The following DESI2 variants were observed in gnomAD, a reference collection of about 807,000 sequenced individuals.
DESI2 encodes the protein deubiquitinase DESI2.
DESI2 carries 10 observed loss-of-function variants against 24.1 expected under a neutral mutation model. That is an observed-to-expected ratio of 0.41 (90% CI 0.26 to 0.70). DESI2 has a LOEUF of 0.70. DESI2 is among the 30% of genes least tolerant of loss of function. DESI2 has a pLI of 0.29. For missense variants in DESI2, 122 were observed against 234.9 expected, an observed-to-expected ratio of 0.52 and a Z score of 3.14; for synonymous variants, 71 against 87.7, an observed-to-expected ratio of 0.81 and a Z score of 1.06.
At position 244,660,015 on chromosome 1, in the gene DESI2, G is replaced by A. The variant is rs144963377; in HGVS notation, c.42+6660G>A. ...CCCTTCAGACTTGCAGTGGCATACC[G>A]TTCCAGTGTATATCAGTTCCATGGT... On this transcript the variant is annotated intron_variant, in intron 1 of 4. Coordinates refer to ENST00000302550, the MANE Select transcript of DESI2 (RefSeq NM_016076.5). Among the ~76,000 whole-genome samples the A allele has an allele frequency of 3.9e-3, 601 of 152,278 alleles. 2 individuals carry two copies. The highest frequency in any genetic ancestry group is 0.013 in the African/African-American group (558 of 41,556).
At chr1:244,696,250 ATTT>A (rs1422579113) in intron 4 of DESI2, among the ~76,000 whole-genome samples, 15 of 152,304 alleles carry the variant, frequency 9.8e-5, no homozygotes, top group South Asian at 6.2e-4. Context: ...AGTTGTCATA[ATTT>A]TTTAACGGTT....
chr1:244,687,516 T>G (rs991459137), intron 2 of DESI2, among the ~76,000 whole-genome samples: 9 of 152,222 alleles, frequency 5.9e-5, no homozygotes, highest in African/African-American at 2.2e-4. Flanking sequence ...CTCTTAAGAA[T>G]ATATTATTGC....
At position 244,706,331 on chromosome 1, in the gene DESI2, G is replaced by C. The variant is rs1677704989; in HGVS notation, c.*542G>C. 1 of 158,874 alleles carries C rather than the reference G, an allele frequency of 6.3e-6. No homozygotes were observed. Among genetic ancestry groups the C allele is most frequent in the African/African-American group, 2.4e-5 (1 of 41,348 alleles). The allele number at this position is 158,874 out of a possible 1,614,324, so 9.8% of individuals were successfully genotyped here. A position where few individuals can be genotyped will look rare whatever the true frequency, so the allele number is the denominator to read the frequency against. ...AGAATCAGACTGGCCTGAGGTGAAG[G>C]AGCACACAGCCCTGAGGGCTTGGAA... On this transcript the variant is annotated 3_prime_UTR_variant, in exon 5 of 5. Coordinates refer to ENST00000302550, the MANE Select transcript of DESI2 (RefSeq NM_016076.5).
chr1:244,659,260 T>C (rs1337911947), intron 1 of DESI2, among the ~76,000 whole-genome samples: 1 of 152,126 alleles, frequency 6.6e-6, no homozygotes, highest in African/African-American at 2.4e-5. Flanking sequence ...TGTACATTTG[T>C]TTTCTATTGC....
At chr1:244,670,981 A>G (rs1002281849) in intron 1 of DESI2, among the ~76,000 whole-genome samples, 3 of 152,224 alleles carry the variant, frequency 2.0e-5, no homozygotes, top group African/African-American at 4.8e-5. Flanking sequence ...CTAGGGGGAC[A>G]TTGTGGGCTT....
At chr1:244,696,870 CTGGGATTT>C (rs1558667200) in intron 4 of DESI2, among the ~76,000 whole-genome samples, 1 of 151,810 alleles carries the variant, frequency 6.6e-6, no homozygotes, top group East Asian at 1.9e-4. Flanking sequence ...CTCTGGGACT[CTGGGATTT>C]TGGCAGAGGA....
At chr1:244,699,954 G>A (rs977575608) in intron 4 of DESI2, among the ~76,000 whole-genome samples, 2 of 152,130 alleles carry the variant, frequency 1.3e-5, no homozygotes, top group Admixed American at 6.5e-5. Flanking sequence ...CTTCCCACAC[G>A]GAACACCTCC....
At chr1:244,661,228 A>G (rs1675829258) in intron 1 of DESI2, among the ~76,000 whole-genome samples, 1 of 152,062 alleles carries the variant, frequency 6.6e-6, no homozygotes, top group South Asian at 2.1e-4. Context: ...GTCTCTGTGC[A>G]TTTGACTAGA....
Position 244,689,472 on chromosome 1 carries a change from C to A in DESI2, c.209+130C>A. The A allele has an allele frequency of 1.8e-6, 1 of 559,852 alleles. No homozygotes were observed. The highest frequency in any genetic ancestry group is 3.2e-6 in the Non-Finnish European group (1 of 310,982). The allele number at this position is 559,852 out of a possible 1,614,324, so 34.7% of individuals were successfully genotyped here. A position where few individuals can be genotyped will look rare whatever the true frequency, so the allele number is the denominator to read the frequency against. The stretch of plus-strand genomic sequence containing the variant: ...AATGTCTCTTTGTTTTAATTGCTGA[C>A]ATTTTATATAACTCAAGTTTGCCTC... On this transcript the variant is annotated intron_variant, in intron 3 of 4. Coordinates refer to ENST00000302550, the MANE Select transcript of DESI2 (RefSeq NM_016076.5). The surrounding 1 kb of genome is among the most constrained non-coding windows in gnomAD (Gnocchi z 4.0).
chr1:244,691,843 T>C, intron 3 of DESI2, 36 bp from the exon 4 acceptor site: 2 of 1,508,818 alleles, frequency 1.3e-6, no homozygotes, highest in Non-Finnish European at 1.8e-6. Flanking sequence ...TATGTCCTTA[T>C]TTTTCTTTCT....
intron 1 of DESI2, among the ~76,000 whole-genome samples, chr1:244,671,587 C>T (rs1676246689): frequency 6.6e-6 from 1 of 152,196 alleles, no homozygotes; most frequent in African/African-American, 2.4e-5. Context: ...ATAAAAATGT[C>T]GTGGATTATC....
intron 1 of DESI2, among the ~76,000 whole-genome samples, chr1:244,677,220 C>G (rs1335935073): frequency 6.6e-6 from 1 of 152,138 alleles, no homozygotes; most frequent in Admixed American, 6.5e-5. Context: ...GTTTAAATTA[C>G]TAGTTCATTC....
At chr1:244,704,857 A>G (rs1034413986) in intron 4 of DESI2, among the ~76,000 whole-genome samples, 1 of 152,098 alleles carries the variant, frequency 6.6e-6, no homozygotes, top group African/African-American at 2.4e-5. Context: ...ACAGGGTTTC[A>G]CCATACTGGC....
At chr1:244,667,171 A>C (rs1267862269) in intron 1 of DESI2, among the ~76,000 whole-genome samples, 3 of 152,102 alleles carry the variant, frequency 2.0e-5, no homozygotes, top group African/African-American at 7.2e-5. Flanking sequence ...TAAAGTCTTA[A>C]CTCATTTCAG....
intron 1 of DESI2, among the ~76,000 whole-genome samples, chr1:244,681,482 T>C (rs1233563647): frequency 1.3e-5 from 2 of 149,812 alleles, no homozygotes; most frequent in East Asian, 3.9e-4. Context: ...GATTTTGCCA[T>C]GGACCTGGGG....
intron 4 of DESI2, among the ~76,000 whole-genome samples, chr1:244,693,434 TC>T (rs1456898721): frequency 7.1e-6 from 1 of 141,446 alleles, no homozygotes; most frequent in East Asian, 2.1e-4. Context: ...AATTGTTTGT[TC>T]TTTTTTTTTT....
At chr1:244,695,278 C>T (rs1232375003) in intron 4 of DESI2, among the ~76,000 whole-genome samples, 1 of 152,172 alleles carries the variant, frequency 6.6e-6, no homozygotes, top group East Asian at 1.9e-4. Flanking sequence ...TGTCAGATGC[C>T]TAATTATGAA....
chr1:244,666,451 A>G (rs1281641203), intron 1 of DESI2, among the ~76,000 whole-genome samples: 1 of 152,164 alleles, frequency 6.6e-6, no homozygotes. Context: ...GCTATATTTT[A>G]TAGTCCCCAT....
intron 3 of DESI2, among the ~76,000 whole-genome samples, chr1:244,690,864 A>G (rs1249089667): frequency 6.6e-6 from 1 of 152,210 alleles, no homozygotes; most frequent in African/African-American, 2.4e-5. Context: ...GCCCTCTACT[A>G]AGTTCATAGT....
Sources: allele counts gnomAD v4.1 joint callset (sites outside exome capture counted in the v4.1 genomes callset), GRCh38; gene constraint gnomAD v4.1.1; non-coding constraint Gnocchi (gnomAD v3.1); transcripts MANE v1.5; gene names NCBI Gene and HGNC (gene_info 2026-07-23, HGNC 2026-07-21).